Variants in DTWD2 observed in about 807,000 individuals in gnomAD.
DTWD2 encodes the protein tRNA-uridine aminocarboxypropyltransferase 2.
In DTWD2, 39 loss-of-function variants were observed where a neutral mutation model predicts 31.8. That is an observed-to-expected ratio of 1.22 (90% confidence interval 0.95 to 1.60). The LOEUF (loss-of-function observed/expected upper bound fraction) is 1.60, where lower values mean the gene tolerates loss of function less well. Among genes scored for constraint, DTWD2 ranks in the 40% most tolerant of loss-of-function variants. The probability of loss-of-function intolerance (pLI) is 0.00; values close to 1 mark genes in which losing one functional copy is unlikely to be tolerated. For missense variants in DTWD2, 515 were observed against 381.5 expected (o/e 1.35, Z -2.92); for synonymous variants, 180 against 142.8 (o/e 1.26, Z -1.86).
intron 4 of DTWD2, among the ~76,000 whole-genome samples, chr5:118,883,102 A>C (rs753758311): frequency 6.6e-6 from 1 of 152,214 alleles, no homozygotes; most frequent in Non-Finnish European, 1.5e-5. Flanking sequence ...TGCTGCTTAG[A>C]AATTTGTTCT....
rs144063079 is a variant in DTWD2 at position 118,979,780 on chromosome 5, T to C, written c.218+8514A>G. Among the ~76,000 whole-genome samples, 1,097 of 152,340 alleles carry C rather than the reference T, an allele frequency of 7.2e-3. 10 individuals carry two copies. Among genetic ancestry groups the C allele is most frequent in the African/African-American group, 0.024 (1,011 of 41,570 alleles). On this transcript the variant is annotated intron_variant, in intron 1 of 5. Coordinates refer to ENST00000510708, the MANE Select transcript of DTWD2 (RefSeq NM_173666.4). The stretch of plus-strand genomic sequence containing the variant: ...ACCAAACACCGCATGTTCTCACTTA[T>C]AAGCGGGAGCTGAACAATGAGAACA...
intron 1 of DTWD2, among the ~76,000 whole-genome samples, chr5:118,972,958 G>A (rs1484251265): frequency 1.3e-5 from 2 of 152,026 alleles, no homozygotes; most frequent in Non-Finnish European, 1.5e-5. Context: ...TCTTCTTGTT[G>A]CTTTGATCCC....
intron 1 of DTWD2, among the ~76,000 whole-genome samples, chr5:118,970,554 G>A (rs979076552): frequency 2.6e-5 from 4 of 152,148 alleles, no homozygotes; most frequent in Non-Finnish European, 5.9e-5. Context: ...GAAACAAGTG[G>A]GAAAACATAC....
intron 4 of DTWD2, among the ~76,000 whole-genome samples, chr5:118,910,762 C>T (rs1410428535): frequency 6.6e-6 from 1 of 152,166 alleles, no homozygotes; most frequent in African/African-American, 2.4e-5. Context: ...AATTAAACAA[C>T]AGAAGTTTAT....
At chr5:118,884,370 A>G (rs531967183) in intron 4 of DTWD2, among the ~76,000 whole-genome samples, 1 of 152,278 alleles carries the variant, frequency 6.6e-6, no homozygotes, top group Admixed American at 6.5e-5. Context: ...TATACTATTA[A>G]CCTCCCACTC....
intron 4 of DTWD2, among the ~76,000 whole-genome samples, chr5:118,870,067 G>C (rs1752468561): frequency 6.6e-6 from 1 of 152,120 alleles, no homozygotes; most frequent in Admixed American, 6.6e-5. Flanking sequence ...ATGATTGTAA[G>C]CTTCCTGAAG....
intron 4 of DTWD2, among the ~76,000 whole-genome samples, chr5:118,884,614 T>C (rs1175395518): frequency 6.6e-6 from 1 of 152,244 alleles, no homozygotes; most frequent in Admixed American, 6.5e-5. Context: ...TTTTTAATCA[T>C]ATGCATAGCT....
chr5:118,873,265 G>A (rs976589739), intron 4 of DTWD2, among the ~76,000 whole-genome samples: 2 of 152,186 alleles, frequency 1.3e-5, no homozygotes, highest in African/African-American at 4.8e-5. Flanking sequence ...TTAGCCCTAG[G>A]GGAAATGTCA....
intron 4 of DTWD2, among the ~76,000 whole-genome samples, chr5:118,851,551 C>T (rs1752005679): frequency 6.6e-6 from 1 of 151,768 alleles, no homozygotes; most frequent in South Asian, 2.1e-4. Context: ...AGGGCAAGGA[C>T]AAAATCGGGA....
chr5:118,943,463 A>G (rs550637499), intron 2 of DTWD2, among the ~76,000 whole-genome samples: 1 of 151,822 alleles, frequency 6.6e-6, no homozygotes, highest in East Asian at 2.0e-4. Flanking sequence ...AGGCAGGAGA[A>G]TGGCATGAAC....
intron 1 of DTWD2, among the ~76,000 whole-genome samples, chr5:118,965,948 AAAAT>A (rs897368178): frequency 5.3e-5 from 8 of 151,680 alleles, no homozygotes; most frequent in East Asian, 1.9e-4. Context: ...AAAATAAATA[AAAAT>A]AAATAAATAA....
intron 1 of DTWD2, among the ~76,000 whole-genome samples, chr5:118,963,107 G>A (rs1476332218): frequency 1.3e-5 from 2 of 152,182 alleles, no homozygotes; most frequent in Non-Finnish European, 2.9e-5. Context: ...GTATAAAATG[G>A]CTAAAAAGTA....
At chr5:118,846,650 C>T (rs1340178674) in intron 5 of DTWD2, among the ~76,000 whole-genome samples, 2 of 151,950 alleles carry the variant, frequency 1.3e-5, no homozygotes, top group Admixed American at 6.6e-5. Flanking sequence ...ATTAAGACAC[C>T]TGTGAAAAGT....
rs983782308 is a variant in DTWD2 at position 118,840,305 on chromosome 5, T to C, written c.*612A>G. 6.6e-6 allele frequency: 1 copy of C among 152,104 alleles called. No individual in the cohort carries two copies. The highest frequency in any genetic ancestry group is 1.5e-5 in the Non-Finnish European group (1 of 68,002). The allele number at this position is 152,104 out of a possible 1,614,324, so 9.4% of individuals were successfully genotyped here. A position where few individuals can be genotyped will look rare whatever the true frequency, so the allele number is the denominator to read the frequency against. ...TATCCAGAGTGATTACAAATGAAAA[T>C]GTGTGCTATTTCAAAATTACATGCA... On this transcript the variant is annotated 3_prime_UTR_variant, in exon 6 of 6. Coordinates refer to ENST00000510708, the MANE Select transcript of DTWD2 (RefSeq NM_173666.4).
intron 4 of DTWD2, among the ~76,000 whole-genome samples, chr5:118,892,874 ATC>A (rs1753004269): frequency 6.6e-6 from 1 of 152,170 alleles, no homozygotes; most frequent in Non-Finnish European, 1.5e-5. Flanking sequence ...ATTAGAAACA[ATC>A]TAAACACATT....
rs1470990553 is a variant in DTWD2 at position 118,840,030 on chromosome 5, T to G, written c.*887A>C. ...TAGACTTGTGCTGAATATACATATA[T>G]GTTACATACATGTCTCTTATTCTAT... On this transcript the variant is annotated 3_prime_UTR_variant, in exon 6 of 6. Transcript: ENST00000510708. The G allele has an allele frequency of 2.0e-5, 3 of 152,212 alleles. No individual in the cohort carries two copies. Among genetic ancestry groups the G allele is most frequent in the African/African-American group, 7.2e-5 (3 of 41,464 alleles). 9.4% of individuals were successfully genotyped at this position (152,212 alleles called of 1,614,324 possible). A position where few individuals can be genotyped will look rare whatever the true frequency, so the allele number is the denominator to read the frequency against.
intron 3 of DTWD2, among the ~76,000 whole-genome samples, chr5:118,930,727 A>G (rs986144737): frequency 1.3e-5 from 2 of 152,218 alleles, no homozygotes; most frequent in Admixed American, 1.3e-4. Context: ...GCTAAGTGAA[A>G]GAAGCCAGTC....
chr5:118,930,577 G>C (rs35241642), intron 3 of DTWD2, among the ~76,000 whole-genome samples: 3 of 152,034 alleles, frequency 2.0e-5, no homozygotes, highest in Non-Finnish European at 4.4e-5. Flanking sequence ...GAAATAGCCC[G>C]CAGCATTCTC....
intron 1 of DTWD2, among the ~76,000 whole-genome samples, chr5:118,946,641 C>T (rs1024578453): frequency 1.3e-5 from 2 of 151,958 alleles, no homozygotes; most frequent in African/African-American, 4.8e-5. Context: ...TTCAATGTGG[C>T]GGGTGGGGTA....
Sources: allele counts gnomAD v4.1 joint callset (sites outside exome capture counted in the v4.1 genomes callset), GRCh38; gene constraint gnomAD v4.1.1; transcripts MANE v1.5; gene names NCBI Gene and HGNC (gene_info 2026-07-23, HGNC 2026-07-21).